ATG10: variants seen among roughly 807,000 people sequenced by gnomAD.
ATG10 encodes the protein autophagy related 10.
ATG10 carries 30 observed loss-of-function variants against 32.1 expected under a neutral mutation model. The ratio of observed to expected loss-of-function variants is 0.94; its 90% CI spans 0.70 to 1.27. ATG10 has a LOEUF of 1.27. ATG10 is among the 50% of genes most tolerant of loss of function. The pLI, the probability that ATG10 is intolerant of heterozygous loss-of-function variation, is 0.00. For synonymous variants in ATG10, 87 were observed against 91.5 expected, an observed-to-expected ratio of 0.95 and a Z score of 0.28; for missense variants, 233 against 262.3, an observed-to-expected ratio of 0.89 and a Z score of 0.77.
intron 5 of ATG10, among the ~76,000 whole-genome samples, chr5:82,232,762 AT>A (rs11342560): frequency 0.54 from 81,674 of 151,460 alleles, 24,403 homozygotes; most frequent in African/African-American, 0.79. Context: ...AGCAGCCAAC[AT>A]TTTTTTTTAA....
intron 2 of ATG10, among the ~76,000 whole-genome samples, chr5:82,038,323 A>T (rs1762993465): frequency 6.6e-6 from 1 of 152,228 alleles, no homozygotes; most frequent in Non-Finnish European, 1.5e-5. Context: ...GCATTTATCC[A>T]TTGGTTTCCT....
At position 82,171,870 on chromosome 5, in the gene ATG10, G is replaced by A. The variant is rs190332811; in HGVS notation, c.356-6620G>A. ...ATACATAAGGCATGGATATGTTTCT[G>A]AAATGCTGAGATAAATAAAGGAAAT... On this transcript the variant is annotated intron_variant, in intron 4 of 7. Coordinates refer to ENST00000282185, the MANE Select transcript of ATG10 (RefSeq NM_031482.5). 1.2e-4 allele frequency among the ~76,000 whole-genome samples: 19 copies of A among 152,270 alleles called. No homozygotes were observed. The East Asian group carries it at 3.1e-3, about 25-fold the overall frequency.
At chr5:82,066,073 A>G (rs1294075387) in intron 3 of ATG10, among the ~76,000 whole-genome samples, 1 of 152,154 alleles carries the variant, frequency 6.6e-6, no homozygotes, top group Non-Finnish European at 1.5e-5. Context: ...ATAAGTAGTA[A>G]AAATTATTAA....
At chr5:82,012,934 A>G (rs1762166500) in intron 2 of ATG10, among the ~76,000 whole-genome samples, 1 of 150,550 alleles carries the variant, frequency 6.6e-6, no homozygotes, top group Non-Finnish European at 1.5e-5. Flanking sequence ...TTAGGATTAC[A>G]GGGGTGATCC....
At chr5:82,008,707 T>G (rs1762047120) in intron 2 of ATG10, among the ~76,000 whole-genome samples, 1 of 152,194 alleles carries the variant, frequency 6.6e-6, no homozygotes, top group African/African-American at 2.4e-5. Context: ...GGTGAGTTTA[T>G]CAAGCCCAGG....
At chr5:82,032,007 C>T (rs2053201109) in intron 2 of ATG10, among the ~76,000 whole-genome samples, 2 of 152,200 alleles carry the variant, frequency 1.3e-5, no homozygotes, top group Non-Finnish European at 2.9e-5. Context: ...CCTGCCCAGA[C>T]AAGGTAGTGG....
chr5:81,974,664 G>A (rs942335056), intron 1 of ATG10, among the ~76,000 whole-genome samples: 1 of 152,102 alleles, frequency 6.6e-6, no homozygotes, highest in Non-Finnish European at 1.5e-5. Flanking sequence ...GAGTGCAGTG[G>A]CTATTTAGAG....
chr5:82,100,393 C>A (rs150352998), intron 3 of ATG10, among the ~76,000 whole-genome samples: 1 of 152,032 alleles, frequency 6.6e-6, no homozygotes, highest in Non-Finnish European at 1.5e-5. Context: ...TCCCTGCATA[C>A]GTACCCATCT....
intron 5 of ATG10, among the ~76,000 whole-genome samples, chr5:82,241,231 T>G (rs1481078069): frequency 2.0e-5 from 3 of 152,198 alleles, no homozygotes; most frequent in African/African-American, 7.2e-5. Context: ...ACCTTCAAAA[T>G]AAATCCAAAT....
intron 3 of ATG10, among the ~76,000 whole-genome samples, chr5:82,150,796 A>G (rs12517893): frequency 0.023 from 3,467 of 152,360 alleles, 76 homozygotes; most frequent in Admixed American, 0.049. Context: ...GCTCTGTAAC[A>G]GAAACTGCAT....
intron 5 of ATG10, among the ~76,000 whole-genome samples, chr5:82,231,267 G>A (rs1746359880): frequency 6.6e-6 from 1 of 152,154 alleles, no homozygotes; most frequent in Admixed American, 6.5e-5. Context: ...AGCAGAAGTT[G>A]GGGAAATGTA....
chr5:82,132,292 C>A (rs1004396095), intron 3 of ATG10, among the ~76,000 whole-genome samples: 2 of 151,784 alleles, frequency 1.3e-5, no homozygotes, highest in African/African-American at 4.8e-5. Flanking sequence ...GATACATGTG[C>A]AGAATGTGCA....
chr5:82,154,354 C>T (rs992969522), intron 3 of ATG10, among the ~76,000 whole-genome samples: 1 of 152,074 alleles, frequency 6.6e-6, no homozygotes, highest in African/African-American at 2.4e-5. Flanking sequence ...GTTTGGACAC[C>T]TTTGATCTAG....
At chr5:82,015,986 G>A (rs190585036) in intron 2 of ATG10, among the ~76,000 whole-genome samples, 3 of 152,244 alleles carry the variant, frequency 2.0e-5, no homozygotes, top group Admixed American at 2.0e-4. Context: ...TGATGGTGAC[G>A]TACAGATGGG....
At chr5:82,032,238 G>A (rs964918612) in intron 2 of ATG10, among the ~76,000 whole-genome samples, 3 of 152,278 alleles carry the variant, frequency 2.0e-5, no homozygotes, top group Middle Eastern at 6.8e-3. Flanking sequence ...TGAATGGTTA[G>A]ACTCAGAGTT....
At chr5:82,250,265 C>G (rs951689531) in intron 5 of ATG10, among the ~76,000 whole-genome samples, 4 of 152,158 alleles carry the variant, frequency 2.6e-5, no homozygotes. Flanking sequence ...TCCCAAATCT[C>G]TGCATGGTTG....
intron 5 of ATG10, among the ~76,000 whole-genome samples, chr5:82,220,746 C>G (rs750906604): frequency 4.7e-5 from 7 of 149,598 alleles, no homozygotes; most frequent in Admixed American, 4.7e-4. Context: ...ACTACTCCAT[C>G]TCTCTCTTTC....
chr5:82,082,781 A>T (rs372134841), intron 3 of ATG10, among the ~76,000 whole-genome samples: 6 of 152,278 alleles, frequency 3.9e-5, no homozygotes, highest in South Asian at 2.1e-4. Context: ...TATATTTATA[A>T]TTTTTCCAGA....
intron 5 of ATG10, among the ~76,000 whole-genome samples, chr5:82,236,094 C>T (rs943896701): frequency 7.9e-5 from 12 of 152,200 alleles, no homozygotes; most frequent in Non-Finnish European, 1.8e-4. Flanking sequence ...TAAAACGCAA[C>T]AAGTGCTATT....
Sources: gnomAD v4.1 joint callset for allele counts (sites outside exome capture counted in the v4.1 genomes callset) on GRCh38, gnomAD v4.1.1 for gene constraint, MANE v1.5 for transcripts, NCBI Gene and HGNC (gene_info 2026-07-23, HGNC 2026-07-21) for gene names.